Variants in CCDC33 observed in about 807,000 individuals in gnomAD.
The protein encoded by CCDC33 is coiled-coil domain-containing protein 33.
In CCDC33, 94 loss-of-function variants were observed where a neutral mutation model predicts 91.9. The ratio of observed to expected loss-of-function variants is 1.02; its 90% CI spans 0.87 to 1.21. CCDC33 has a LOEUF of 1.21. CCDC33 is among the 50% of genes most tolerant of loss of function. The probability of loss-of-function intolerance (pLI) is 0.00; values close to 1 mark genes in which losing one functional copy is unlikely to be tolerated. For synonymous variants in CCDC33, 396 were observed against 374.5 expected (o/e 1.06, Z -0.66); for missense variants, 940 against 935.5 (o/e 1.00, Z -0.06).
At chr15:74,204,940 A>AAAGAAAGAAAG (rs2074226759) in intron 1 of CCDC33, among the ~76,000 whole-genome samples, 1 of 151,624 alleles carries the variant, frequency 6.6e-6, no homozygotes, top group African/African-American at 2.4e-5. Flanking sequence ...ATCTCAAAAA[A>AAAGAAAGAAAG]AAAGAAAGAA....
intron 1 of CCDC33, chr15:74,203,228 T>G: frequency 1.0e-6 from 1 of 985,026 alleles, no homozygotes; most frequent in Non-Finnish European, 1.2e-6. Context: ...TCCTACAAGT[T>G]GATTTCACAA....
At chr15:74,290,525 G>T (rs932334133) in intron 10 of CCDC33, among the ~76,000 whole-genome samples, 1 of 152,176 alleles carries the variant, frequency 6.6e-6, no homozygotes, top group Non-Finnish European at 1.5e-5. Flanking sequence ...TCCTGGTTGA[G>T]ATTGGTGCAT....
intron 2 of CCDC33, among the ~76,000 whole-genome samples, chr15:74,252,840 A>T (rs1428732125): frequency 6.6e-6 from 1 of 152,160 alleles, no homozygotes; most frequent in Admixed American, 6.5e-5. Context: ...CCCCCATGAC[A>T]TCAGTTCCTG....
chr15:74,279,480 T>C (rs1236127228), intron 7 of CCDC33, among the ~76,000 whole-genome samples: 1 of 152,226 alleles, frequency 6.6e-6, no homozygotes, highest in Non-Finnish European at 1.5e-5. Flanking sequence ...TTTTCTGCAT[T>C]TTCCTAAATG....
intron 1 of CCDC33, among the ~76,000 whole-genome samples, chr15:74,207,195 G>A (rs1166939914): frequency 6.6e-6 from 1 of 152,136 alleles, no homozygotes; most frequent in Non-Finnish European, 1.5e-5. Context: ...ATCCTCAAAG[G>A]GCAAAGTGCC....
At chr15:74,281,071 A>C (rs1471184511) in intron 9 of CCDC33, among the ~76,000 whole-genome samples, 1 of 152,258 alleles carries the variant, frequency 6.6e-6, no homozygotes, top group Non-Finnish European at 1.5e-5. Flanking sequence ...CCTGTGAGAC[A>C]GTGCAAGAGT....
chr15:74,274,996 C>T (rs979601385), intron 7 of CCDC33, among the ~76,000 whole-genome samples: 5 of 152,236 alleles, frequency 3.3e-5, no homozygotes, highest in African/African-American at 9.6e-5. Flanking sequence ...GGGGATTGCC[C>T]GGGCAGAGCC....
intron 3 of CCDC33, among the ~76,000 whole-genome samples, chr15:74,264,096 G>A (rs79398564): frequency 0.03 from 4,535 of 151,838 alleles, 162 homozygotes; most frequent in African/African-American, 0.08. Flanking sequence ...ACAAGAGAGT[G>A]GGGAGGCCTC....
At chr15:74,331,725 C>A (rs2060443514) in intron 15 of CCDC33, among the ~76,000 whole-genome samples, 1 of 152,334 alleles carries the variant, frequency 6.6e-6, no homozygotes, top group African/African-American at 2.4e-5. Context: ...AACAAAAATA[C>A]TTTGATTAAA....
chr15:74,252,368 C>T (rs1209366451), intron 2 of CCDC33, among the ~76,000 whole-genome samples: 1 of 152,172 alleles, frequency 6.6e-6, no homozygotes, highest in Non-Finnish European at 1.5e-5. Context: ...GACCCATGGG[C>T]TTGTCTCAGC....
chr15:74,249,253 G>A (rs1045371057), intron 2 of CCDC33, among the ~76,000 whole-genome samples: 3 of 152,128 alleles, frequency 2.0e-5, no homozygotes, highest in Non-Finnish European at 4.4e-5. Flanking sequence ...TTGGGAGGCC[G>A]AGGCGGATGG....
rs118052857 is a variant in CCDC33 at position 74,315,738 on chromosome 15, A to C, written c.1291-14451A>C. ...GTGGGGGAACTGCGTGAGCAAAGGCACAGAGGCCGGATGCACTGAACCTGT... is the reference window on the plus strand; with the variant it reads ...GTGGGGGAACTGCGTGAGCAAAGGCCCAGAGGCCGGATGCACTGAACCTGT... On this transcript the variant is annotated intron_variant, in intron 11 of 18. Transcript: ENST00000398814. Among the ~76,000 whole-genome samples the C allele has an allele frequency of 2.0e-3, 311 of 152,322 alleles. 2 individuals are homozygous for C. The highest frequency in any genetic ancestry group is 3.7e-3 in the Non-Finnish European group (253 of 68,022).
At chr15:74,235,602 C>A (rs1031086303), upstream of CCDC33, among the ~76,000 whole-genome samples, 5 of 152,088 alleles carry the variant, frequency 3.3e-5, no homozygotes, top group African/African-American at 7.2e-5. Context: ...TATAGAGCAA[C>A]CCCCCACCCC....
intron 11 of CCDC33, among the ~76,000 whole-genome samples, chr15:74,314,817 G>A (rs779911683): frequency 3.9e-5 from 6 of 152,318 alleles, no homozygotes; most frequent in South Asian, 2.1e-4. Flanking sequence ...TCCCGCCTCC[G>A]GGAGCTGGCA....
At chr15:74,248,422 C>T (rs371897863) in intron 2 of CCDC33, among the ~76,000 whole-genome samples, 1 of 151,992 alleles carries the variant, frequency 6.6e-6, no homozygotes, top group Non-Finnish European at 1.5e-5. Flanking sequence ...GCTTGGTTTC[C>T]TGCCCTCTGC....
chr15:74,328,951 C>T (rs1031629261), intron 11 of CCDC33, among the ~76,000 whole-genome samples: 23 of 152,298 alleles, frequency 1.5e-4, no homozygotes, highest in African/African-American at 5.5e-4. Context: ...CCCATTTCCT[C>T]CCCCATCCCA....
intron 10 of CCDC33, among the ~76,000 whole-genome samples, chr15:74,290,950 C>T (rs2059573238): frequency 6.6e-6 from 1 of 152,232 alleles, no homozygotes; most frequent in South Asian, 2.1e-4. Context: ...AGTCAAACCA[C>T]TGAGCCACAG....
At chr15:74,299,710 AG>A (rs2059755829) in intron 11 of CCDC33, 1 of 152,350 alleles carries the variant, frequency 6.6e-6, no homozygotes, top group South Asian at 2.1e-4. Context: ...TAGAGTATCC[AG>A]GGCAGTGGGT....
intron 2 of CCDC33, among the ~76,000 whole-genome samples, chr15:74,231,325 G>C (rs1261903470): frequency 6.6e-6 from 1 of 152,208 alleles, no homozygotes; most frequent in Non-Finnish European, 1.5e-5. Flanking sequence ...CTCTGTGCTG[G>C]ATAGAAGTGA....
Sources: gnomAD v4.1 joint callset for allele counts (sites outside exome capture counted in the v4.1 genomes callset) on GRCh38, gnomAD v4.1.1 for gene constraint, MANE v1.5 for transcripts, NCBI Gene and HGNC (gene_info 2026-07-23, HGNC 2026-07-21) for gene names.